PHF2: variants seen among roughly 807,000 people sequenced by gnomAD.
PHF2 encodes the protein PHD finger protein 2, also known as lysine-specific demethylase PHF2.
A neutral mutation model predicts 120.5 loss-of-function variants in PHF2; 27 were observed. The ratio of observed to expected loss-of-function variants is 0.22; its 90% CI spans 0.17 to 0.31. The LOEUF is 0.31. Among genes scored for constraint, PHF2 ranks in the 10% least tolerant of loss-of-function variants. The pLI, the probability that PHF2 is intolerant of heterozygous loss-of-function variation, is 1.00. For synonymous variants in PHF2, 568 were observed against 592.5 expected (o/e 0.96, Z 0.60); for missense variants, 1,024 against 1,434.8 (o/e 0.71, Z 4.63).
chr9:93,649,165 C>T lies in PHF2; in HGVS notation c.555C>T (p.Asn185=). 6 of 1,551,298 alleles carry T rather than the reference C, an allele frequency of 3.9e-6. No homozygotes were observed. The highest frequency in any genetic ancestry group is 5.2e-6 in the Non-Finnish European group (6 of 1,146,904). Residue 185 remains asparagine (N), a synonymous_variant, in exon 5 of 22, where the codon AAC becomes AAT. Transcript: ENST00000359246. ...KEFVDYYYST[N]RKRVLNVTNL... The stretch of plus-strand genomic sequence containing the variant: ...TTGTGGACTATTACTACAGCACCAA[C>T]CGCAAGCGGGTCCTCAACGTCACCA...
intron 1 of PHF2, among the ~76,000 whole-genome samples, chr9:93,586,748 T>G (rs189006103): frequency 6.6e-6 from 1 of 152,354 alleles, no homozygotes; most frequent in Admixed American, 6.5e-5. Flanking sequence ...TCCATCTAGC[T>G]GGTGACGTTT....
intron 1 of PHF2, among the ~76,000 whole-genome samples, chr9:93,610,071 ATTTT>A (rs34525240): frequency 1.3e-5 from 2 of 151,074 alleles, no homozygotes; most frequent in Non-Finnish European, 2.9e-5. Context: ...CTAGGTGTAG[ATTTT>A]TTTTTGCGGG....
At position 93,679,515 on chromosome 9, in the gene PHF2, C is replaced by T. The variant is rs973741736; in HGVS notation, c.*1839C>T. 2 of 282,814 alleles carry T rather than the reference C, an allele frequency of 7.1e-6. No individual in the cohort carries two copies. Among genetic ancestry groups the T allele is most frequent in the African/African-American group, 4.6e-5 (2 of 43,334 alleles). 17.5% of individuals were successfully genotyped at this position (282,814 alleles called of 1,614,324 possible). A position where few individuals can be genotyped will look rare whatever the true frequency, so the allele number is the denominator to read the frequency against. ...TTCCCAATTCATATTACTCTTGTAT[C>T]GAGTCCATGAGGTCTAAGGCAACTT... On this transcript the variant is annotated 3_prime_UTR_variant, in exon 22 of 22. Transcript: ENST00000359246.
At chr9:93,606,174 T>TG (rs1355582280) in intron 1 of PHF2, among the ~76,000 whole-genome samples, 1 of 152,142 alleles carries the variant, frequency 6.6e-6, no homozygotes, top group East Asian at 1.9e-4. Flanking sequence ...TTTGCCACAT[T>TG]GCCCAGGCTG....
At chr9:93,629,147 C>T (rs1825957913) in intron 1 of PHF2, among the ~76,000 whole-genome samples, 2 of 152,124 alleles carry the variant, frequency 1.3e-5, no homozygotes, top group African/African-American at 4.8e-5. Context: ...GTGATCCGCC[C>T]ACCTCGGCCT....
intron 5 of PHF2, among the ~76,000 whole-genome samples, chr9:93,652,272 G>A (rs898661836): frequency 2.0e-5 from 3 of 150,794 alleles, no homozygotes; most frequent in Non-Finnish European, 4.4e-5. Flanking sequence ...GTCACTGCAC[G>A]GGTGCTGTTG....
chr9:93,627,758 A>G (rs1825938281), intron 1 of PHF2, among the ~76,000 whole-genome samples: 1 of 152,158 alleles, frequency 6.6e-6, no homozygotes, highest in East Asian at 1.9e-4. Flanking sequence ...TGAGATGGTC[A>G]CGTAGGATTT....
At chr9:93,612,727 A>G (rs1294568207) in intron 1 of PHF2, among the ~76,000 whole-genome samples, 1 of 152,220 alleles carries the variant, frequency 6.6e-6, no homozygotes, top group Non-Finnish European at 1.5e-5. Context: ...TCAGAATAAT[A>G]GGAATCTATG....
chr9:93,591,425 G>C (rs1019322098), intron 1 of PHF2, among the ~76,000 whole-genome samples: 5 of 130,080 alleles, frequency 3.8e-5, no homozygotes, highest in African/African-American at 1.7e-4. Flanking sequence ...CCGTGGCCTT[G>C]CTGCACGGGC....
rs1202231387 is a variant in PHF2, at chr9:93,656,456, G to A, written c.1041-33G>A. On this transcript the variant is annotated intron_variant, in intron 8 of 21. Coordinates refer to ENST00000359246, the MANE Select transcript of PHF2 (RefSeq NM_005392.4). The surrounding 1 kb of genome is among the most constrained non-coding windows in gnomAD (Gnocchi z 4.1). ...CCCAGCGTCGCCTGCTTGATGGTCA[G>A]TGCACTGAGAACTGCTCTTTGGTGG... 13 of 1,464,980 alleles carry A rather than the reference G, an allele frequency of 8.9e-6. No homozygotes were observed. The highest frequency in any genetic ancestry group is 1.2e-5 in the Non-Finnish European group (13 of 1,045,240). 90.7% of individuals were successfully genotyped at this position (1,464,980 alleles called of 1,614,324 possible).
chr9:93,615,263 TTGGTGATGGTGATGATAGTAATGA>T (rs1228627736), intron 1 of PHF2, among the ~76,000 whole-genome samples: 3 of 147,550 alleles, frequency 2.0e-5, no homozygotes, highest in African/African-American at 7.6e-5. Flanking sequence ...ATGGTGATGA[TTGGTGATGGTGATGATAGTAATGA>T]TGGTGATGGT....
chr9:93,647,832 T>C (rs949469311), intron 4 of PHF2, among the ~76,000 whole-genome samples: 1 of 151,694 alleles, frequency 6.6e-6, no homozygotes, highest in African/African-American at 2.4e-5. Flanking sequence ...GAGGTTGCAG[T>C]GAGCCAAGAT....
At chr9:93,582,412 A>G (rs1056430135) in intron 1 of PHF2, among the ~76,000 whole-genome samples, 5 of 152,174 alleles carry the variant, frequency 3.3e-5, no homozygotes, top group Non-Finnish European at 5.9e-5. Context: ...CAAGCAGCTG[A>G]CTGCAGCAGC....
chr9:93,630,324 G>A (rs1825979414), intron 2 of PHF2, among the ~76,000 whole-genome samples: 1 of 152,264 alleles, frequency 6.6e-6, no homozygotes. Flanking sequence ...GGCCTAGCGA[G>A]AGGCCAGGCC....
At chr9:93,610,202 C>T (rs928368) in intron 1 of PHF2, among the ~76,000 whole-genome samples, 47,339 of 151,974 alleles carry the variant, frequency 0.31, 8,149 homozygotes, top group South Asian at 0.6. Flanking sequence ...CTATTCCTTT[C>T]TCTTTTTCTT....
Position 93,677,106 on chromosome 9 carries a change from C to A in PHF2, c.3202+143C>A. 3.4e-6 allele frequency: 3 copies of A among 876,620 alleles called. No homozygotes were observed. Among genetic ancestry groups the A allele is most frequent in the Non-Finnish European group, 5.1e-6 (3 of 590,200 alleles). 54.3% of individuals were successfully genotyped at this position (876,620 alleles called of 1,614,324 possible). On this transcript the variant is annotated intron_variant, in intron 21 of 21. Coordinates refer to ENST00000359246, the MANE Select transcript of PHF2 (RefSeq NM_005392.4). The surrounding 1 kb of genome is among the most constrained non-coding windows in gnomAD (Gnocchi z 4.4). ...CCTTGGGTGGCAGGGTGCTGTGGTC[C>A]AAGTTGGTTGCATCTTTGTGTGAGC... is the stretch of plus-strand genomic sequence containing the variant.
At chr9:93,578,753 A>T (rs1862881811) in intron 1 of PHF2, among the ~76,000 whole-genome samples, 1 of 152,166 alleles carries the variant, frequency 6.6e-6, no homozygotes, top group South Asian at 2.1e-4. Context: ...CTGGCCTGAG[A>T]GCTGGTTGGT....
At chr9:93,674,069 C>T (rs1449309027) in intron 18 of PHF2, among the ~76,000 whole-genome samples, 2 of 152,188 alleles carry the variant, frequency 1.3e-5, no homozygotes, top group Non-Finnish European at 2.9e-5. Flanking sequence ...GCTTGGGCTT[C>T]GTGGTGGGGC....
chr9:93,604,855 C>T (rs1223035702), intron 1 of PHF2, among the ~76,000 whole-genome samples: 2 of 151,864 alleles, frequency 1.3e-5, no homozygotes, highest in Non-Finnish European at 2.9e-5. Flanking sequence ...TTAGCATTTC[C>T]TTCATGAGAT....
Sources: gnomAD v4.1 joint callset for allele counts (sites outside exome capture counted in the v4.1 genomes callset) on GRCh38, gnomAD v4.1.1 for gene constraint, Gnocchi (gnomAD v3.1) non-coding constraint, MANE v1.5 for transcripts, NCBI Gene and HGNC (gene_info 2026-07-23, HGNC 2026-07-21) for gene names.